Variants in ATP7B observed in about 807,000 individuals in gnomAD.
The protein encoded by ATP7B is copper-transporting ATPase 2.
ATP7B carries 113 observed loss-of-function variants against 118.9 expected under a neutral mutation model. The observed-to-expected ratio is 0.95, with a 90% confidence interval of 0.82 to 1.11. The LOEUF (loss-of-function observed/expected upper bound fraction) is 1.11, where lower values mean the gene tolerates loss of function less well. Ranked by LOEUF, ATP7B falls within the 50% of genes most tolerant of loss-of-function variation. The pLI, the probability that ATP7B is intolerant of heterozygous loss-of-function variation, is 0.00. For synonymous variants in ATP7B, 777 were observed against 727.4 expected, an observed-to-expected ratio of 1.07 and a Z score of -1.10; for missense variants, 1,867 against 1,871.4, an observed-to-expected ratio of 1.00 and a Z score of 0.04.
intron 1 of ATP7B, among the ~76,000 whole-genome samples, chr13:51,976,996 T>C (rs1451910982): frequency 6.6e-6 from 1 of 152,176 alleles, no homozygotes. Flanking sequence ...AAAATAGTTT[T>C]ATTTCTTCAA....
At chr13:52,011,181 G>T in intron 1 of ATP7B, 106 bp downstream of exon 1, 1 of 1,553,080 alleles carries the variant, frequency 6.4e-7, no homozygotes, top group Non-Finnish European at 8.9e-7. Context: ...GTCTGGCTCG[G>T]CCTTCCCTGC....
In ATP7B at chr13:51,934,880, A is replaced by G; in HGVS notation, c.4274T>C (p.Val1425Ala). Reference protein sequence around the residue: ...RATPWDQVSYVSQVSLSSLTS... With the variant: ...RATPWDQVSYASQVSLSSLTS... ...CAGGGAGGACAGCGACACCTGGCTG[A>G]CATAGCTGACCTGGTCCCATGGTGT... is the stretch of plus-strand genomic sequence containing the variant. The change falls in exon 21 of 21, where the codon GTC (valine) becomes GCC (alanine). Residue 1425 changes from valine to alanine, a missense_variant. Coordinates refer to ENST00000242839, the MANE Select transcript of ATP7B (RefSeq NM_000053.4). 6.2e-7 allele frequency: 1 copy of G among 1,614,200 alleles called. No individual in the cohort carries two copies. Among genetic ancestry groups the G allele is most frequent in the East Asian group, 2.2e-5 (1 of 44,890 alleles).
chr13:51,961,792 G>T (rs1489922798), intron 6 of ATP7B, 45 bp downstream of exon 6: 8 of 1,575,768 alleles, frequency 5.1e-6, no homozygotes, highest in Non-Finnish European at 5.2e-6. Context: ...GGTAGAGGAA[G>T]GGACTTAGAT....
rs557434750 is a variant in ATP7B, at chr13:51,945,214, C to T, written c.3061-923G>A. Among the ~76,000 whole-genome samples, 17 of 152,276 alleles carry T rather than the reference C, an allele frequency of 1.1e-4. No individual in the cohort carries two copies. In the South Asian group the frequency reaches 2.7e-3, roughly 24 times the overall value. Reference sequence around the variant, plus strand: ...CATCACGTGGGTATGCCATCCCCTACGTGGCTTCTAGGCTAACGTTCAGAA... The same window carrying T: ...CATCACGTGGGTATGCCATCCCCTATGTGGCTTCTAGGCTAACGTTCAGAA... On this transcript the variant is annotated intron_variant, in intron 13 of 20. Transcript: ENST00000242839.
At chr13:52,005,903 T>C (rs1163514165) in intron 1 of ATP7B, among the ~76,000 whole-genome samples, 1 of 152,196 alleles carries the variant, frequency 6.6e-6, no homozygotes, top group East Asian at 1.9e-4. Context: ...CTGTGAAATG[T>C]TCATGATGGC....
Position 51,934,563 on chromosome 13 carries a change from G to T in ATP7B, c.*193C>A. The T allele has an allele frequency of 1.2e-6, 1 of 859,592 alleles. No individual in the cohort carries two copies. The highest frequency in any genetic ancestry group is 1.8e-6 in the Non-Finnish European group (1 of 550,812). 53.2% of individuals were successfully genotyped at this position (859,592 alleles called of 1,614,324 possible). A position where few individuals can be genotyped will look rare whatever the true frequency, so the allele number is the denominator to read the frequency against. On this transcript the variant is annotated 3_prime_UTR_variant, in exon 21 of 21. Transcript: ENST00000242839. Reference sequence around the variant, plus strand: ...CCCGTGAGGCCAAGAGGCAGGCAGGGCCGTCCTCTCCAGGCCAAGCCCAGC... The same window carrying T: ...CCCGTGAGGCCAAGAGGCAGGCAGGTCCGTCCTCTCCAGGCCAAGCCCAGC...
chr13:51,955,797 A>AG (rs1425718478), intron 9 of ATP7B, among the ~76,000 whole-genome samples: 1 of 151,954 alleles, frequency 6.6e-6, no homozygotes, highest in East Asian at 1.9e-4. Context: ...GAAAAAAAAA[A>AG]GAAGCCAAGG....
Position 51,974,891 on chromosome 13 carries a change from T to C in ATP7B, c.329A>G (p.Gln110Arg). 2.5e-6 allele frequency: 4 copies of C among 1,614,232 alleles called. No individual in the cohort carries two copies. The highest frequency in any genetic ancestry group is 3.4e-6 in the Non-Finnish European group (4 of 1,180,034). ...GTCCCCAATTTGATGGCAAACCTGT[T>C]GCAGGCACACAACCGATGGCACATA... Reference protein sequence around the residue: ...VKYVPSVVCLQQVCHQIGDMG... With the variant: ...VKYVPSVVCLRQVCHQIGDMG... Residue 110 changes from glutamine to arginine, a missense_variant, in exon 2 of 21, where the codon CAA becomes CGA. Transcript: ENST00000242839.
chr13:51,998,221 G>C (rs1477033518), intron 1 of ATP7B, among the ~76,000 whole-genome samples: 3 of 152,112 alleles, frequency 2.0e-5, no homozygotes. Flanking sequence ...TGGAGGACAA[G>C]TCTTCTCTGT....
At chr13:51,964,767 T>C in intron 5 of ATP7B, 105 bp downstream of exon 5, 2 of 1,351,080 alleles carry the variant, frequency 1.5e-6, no homozygotes, top group Non-Finnish European at 2.0e-6. Context: ...TTGAAGAATT[T>C]TGGTTATTTT....
chr13:51,971,620 G>A (rs867732444), intron 2 of ATP7B, among the ~76,000 whole-genome samples: 3 of 152,150 alleles, frequency 2.0e-5, no homozygotes, highest in Admixed American at 6.5e-5. Flanking sequence ...TACCTATTGC[G>A]TACAGGATTT....
intron 19 of ATP7B, among the ~76,000 whole-genome samples, chr13:51,936,559 C>A (rs746880775): frequency 6.6e-6 from 1 of 152,126 alleles, no homozygotes; most frequent in Non-Finnish European, 1.5e-5. Context: ...TAGGGTTTCA[C>A]TCTTGCCCAG....
At chr13:51,961,952 A>G (rs747432408) in intron 5 of ATP7B, 39 bp from the exon 6 acceptor site, 4 of 1,560,706 alleles carry the variant, frequency 2.6e-6, no homozygotes, top group Admixed American at 3.3e-5. Context: ...AAAAGGAGGA[A>G]GGTACTTGGT....
At chr13:51,975,571 T>TC in intron 1 of ATP7B, 1 of 517,280 alleles carries the variant, frequency 1.9e-6, no homozygotes, top group Non-Finnish European at 3.9e-6. Context: ...GGCTGATACC[T>TC]CCCCACAGAA....
intron 4 of ATP7B, among the ~76,000 whole-genome samples, chr13:51,965,358 G>A (rs1951493968): frequency 6.6e-6 from 1 of 152,124 alleles, no homozygotes; most frequent in Non-Finnish European, 1.5e-5. Flanking sequence ...TTACCTCACT[G>A]GCAAAGCCGG....
intron 1 of ATP7B, among the ~76,000 whole-genome samples, chr13:51,977,763 C>T (rs1952197756): frequency 6.6e-6 from 1 of 152,144 alleles, no homozygotes; most frequent in Non-Finnish European, 1.5e-5. Flanking sequence ...ACCAAAAATA[C>T]ATGAGTAATG....
chr13:51,970,154 A>C (rs974859510), intron 3 of ATP7B, among the ~76,000 whole-genome samples: 6 of 152,168 alleles, frequency 3.9e-5, no homozygotes. Flanking sequence ...TTATTTATTC[A>C]TTTTATAGTA....
At chr13:51,941,375 A>C in intron 15 of ATP7B, 151 bp from the exon 16 acceptor site, 1 of 220,670 alleles carries the variant, frequency 4.5e-6, no homozygotes, top group South Asian at 1.1e-4. Context: ...CCTTTAGGAC[A>C]AAAAAAAAAA....
intron 19 of ATP7B, among the ~76,000 whole-genome samples, chr13:51,937,026 T>A (rs1029880975): frequency 6.6e-6 from 1 of 151,522 alleles, no homozygotes; most frequent in Non-Finnish European, 1.5e-5. Flanking sequence ...AAAATAGGGA[T>A]CAGAAAATAC....
Sources: gnomAD v4.1 joint callset for allele counts (sites outside exome capture counted in the v4.1 genomes callset) on GRCh38, gnomAD v4.1.1 for gene constraint, MANE v1.5 for transcripts, NCBI Gene and HGNC (gene_info 2026-07-23, HGNC 2026-07-21) for gene names.